LY6S: variants seen among roughly 807,000 people sequenced by gnomAD.
The protein encoded by LY6S is lymphocyte antigen 6 family member S, also known as lymphocyte antigen 6S.
At chr8:143,071,591 C>A in the LY6S span, among the ~76,000 whole-genome samples, 1 of 152,124 alleles carries the variant, frequency 6.6e-6, no homozygotes, top group Non-Finnish European at 1.5e-5. Flanking sequence ...ACTATCTTCT[C>A]GATTTTCTAT....
the LY6S span, among the ~76,000 whole-genome samples, chr8:143,041,183 TA>T: frequency 1.3e-5 from 2 of 152,316 alleles, no homozygotes; most frequent in Non-Finnish European, 2.9e-5. Flanking sequence ...TTCCTCATCC[TA>T]ATAAGCCTGG....
chr8:143,055,005 G>A, the LY6S span, among the ~76,000 whole-genome samples: 1 of 152,196 alleles, frequency 6.6e-6, no homozygotes, highest in African/African-American at 2.4e-5. Flanking sequence ...AAAGGGGAAT[G>A]CCATGTCTAC....
chr8:143,054,689 C>T, the LY6S span, among the ~76,000 whole-genome samples: 1 of 152,202 alleles, frequency 6.6e-6, no homozygotes, highest in African/African-American at 2.4e-5. Flanking sequence ...TCTAACTCCA[C>T]ACTGGCTACT....
chr8:143,051,089 C>T, the LY6S span, among the ~76,000 whole-genome samples: 3 of 152,182 alleles, frequency 2.0e-5, no homozygotes, highest in Admixed American at 6.5e-5. Flanking sequence ...GGAGCCTGAG[C>T]GAGTGGCAGC....
chr8:143,062,745 A>G, the LY6S span, among the ~76,000 whole-genome samples: 1 of 152,198 alleles, frequency 6.6e-6, no homozygotes, highest in East Asian at 1.9e-4. Context: ...CATCTGTTGG[A>G]AGAGTTAATA....
chr8:143,051,185 C>T, the LY6S span, among the ~76,000 whole-genome samples: 2 of 152,260 alleles, frequency 1.3e-5, no homozygotes, highest in South Asian at 2.1e-4. Flanking sequence ...GAGGGAACTC[C>T]GGGAGCAGTG....
At chr8:143,048,193 A>G in the LY6S span, among the ~76,000 whole-genome samples, 4 of 152,224 alleles carry the variant, frequency 2.6e-5, no homozygotes, top group Non-Finnish European at 5.9e-5. Context: ...GGGCTGTTTC[A>G]GTCAAGCTCC....
chr8:143,074,511 TA>T, the LY6S span, among the ~76,000 whole-genome samples: 2 of 151,358 alleles, frequency 1.3e-5, no homozygotes, highest in Non-Finnish European at 3.0e-5. Context: ...TTGGTTAATA[TA>T]ATAAACACTT....
At chr8:143,066,940 G>T in the LY6S span, among the ~76,000 whole-genome samples, 1 of 152,198 alleles carries the variant, frequency 6.6e-6, no homozygotes, top group Non-Finnish European at 1.5e-5. Flanking sequence ...TGGGGAAAAG[G>T]CCTCAAAGGC....
chr8:143,048,487 T>C, the LY6S span, among the ~76,000 whole-genome samples: 1 of 92,770 alleles, frequency 1.1e-5, no homozygotes, highest in East Asian at 3.6e-4. Context: ...TTTTTTTTTT[T>C]TTTGAGACAG....
the LY6S span, among the ~76,000 whole-genome samples, chr8:143,074,163 G>A: frequency 6.6e-6 from 1 of 152,066 alleles, no homozygotes; most frequent in Non-Finnish European, 1.5e-5. Flanking sequence ...ATTGAATCTT[G>A]GGTTAATGTC....
At chr8:143,067,233 A>G in the LY6S span, among the ~76,000 whole-genome samples, 1 of 152,226 alleles carries the variant, frequency 6.6e-6, no homozygotes, top group Non-Finnish European at 1.5e-5. Context: ...AAGAAACTCC[A>G]TTTTGATCTC....
At chr8:143,048,016 C>G in the LY6S span, 1 of 152,198 alleles carries the variant, frequency 6.6e-6, no homozygotes, top group African/African-American at 2.4e-5. Context: ...TGTTTAAATT[C>G]TTTTAAACTA....
the LY6S span, among the ~76,000 whole-genome samples, chr8:143,069,651 T>C: frequency 5.3e-5 from 8 of 152,204 alleles, no homozygotes; most frequent in African/African-American, 1.9e-4. Flanking sequence ...CCTGCATGCC[T>C]TCCATATCCA....
chr8:143,070,464 AATATATATATAAATATATATATATATTT>A, the LY6S span, among the ~76,000 whole-genome samples: 29 of 34,196 alleles, frequency 8.5e-4, no homozygotes, highest in African/African-American at 3.1e-3. Flanking sequence ...ATATATATAT[AATATATATATAAATATATATATATATTT>A]TTTTTTTTTT....
the LY6S span, among the ~76,000 whole-genome samples, chr8:143,041,179 A>C: frequency 2.0e-5 from 3 of 152,192 alleles, no homozygotes; most frequent in African/African-American, 7.2e-5. Flanking sequence ...GAATTTCCTC[A>C]TCCTAATAAG....
At chr8:143,046,385 G>A in the LY6S span, among the ~76,000 whole-genome samples, 1 of 151,914 alleles carries the variant, frequency 6.6e-6, no homozygotes, top group Non-Finnish European at 1.5e-5. Flanking sequence ...AGACCATCCT[G>A]CCTAACATAG....
chr8:143,067,000 G>A, the LY6S span, among the ~76,000 whole-genome samples: 1 of 152,176 alleles, frequency 6.6e-6, no homozygotes, highest in East Asian at 1.9e-4. Flanking sequence ...GGTGGGCCTG[G>A]TGGGTGGTGT....
At chr8:143,072,822 G>A in the LY6S span, among the ~76,000 whole-genome samples, 8 of 134,126 alleles carry the variant, frequency 6.0e-5, no homozygotes, top group Admixed American at 1.5e-4. Context: ...CGTCGTCCTC[G>A]GGATTCCTGT....
Sources: gnomAD v4.1 joint callset for allele counts (sites outside exome capture counted in the v4.1 genomes callset) on GRCh38, gnomAD v4.1.1 for gene constraint, MANE v1.5 for transcripts, NCBI Gene and HGNC (gene_info 2026-07-23, HGNC 2026-07-21) for gene names.